The following ODAD2 variants were observed in gnomAD, a reference collection of about 807,000 sequenced individuals.
The protein encoded by ODAD2 is outer dynein arm-docking complex subunit 2.
A neutral mutation model predicts 106.8 loss-of-function variants in ODAD2; 89 were observed. The ratio of observed to expected loss-of-function variants is 0.83; its 90% CI spans 0.70 to 0.99. The LOEUF is 0.99. ODAD2 is among the 50% of genes least tolerant of loss of function. The pLI, the probability that ODAD2 is intolerant of heterozygous loss-of-function variation, is 0.00. For synonymous variants in ODAD2, 404 were observed against 436.2 expected, an observed-to-expected ratio of 0.93 and a Z score of 0.92; for missense variants, 1,168 against 1,238.5, an observed-to-expected ratio of 0.94 and a Z score of 0.85.
At chr10:27,978,294 A>T (rs1849320081) in intron 7 of ODAD2, among the ~76,000 whole-genome samples, 1 of 152,262 alleles carries the variant, frequency 6.6e-6, no homozygotes, top group East Asian at 1.9e-4. Flanking sequence ...AAAGGCCTCC[A>T]AAGAGGGGAA....
chr10:27,895,858 C>G (rs1044604217), intron 17 of ODAD2, among the ~76,000 whole-genome samples: 7 of 152,210 alleles, frequency 4.6e-5, no homozygotes, highest in African/African-American at 1.7e-4. Flanking sequence ...TATTCTACTC[C>G]TGAAGTACCC....
At position 27,833,089 on chromosome 10, in the gene ODAD2, C is replaced by A. The variant is rs773696573; in HGVS notation, c.3022-20464G>T. ...GTGCTTTTTGAAGTTTTTCATATAC[C>A]ACAAAATACATAATGAAGGGTAGTT... On this transcript the variant is annotated intron_variant, in intron 19 of 19. Transcript: ENST00000305242. 7.2e-5 allele frequency among the ~76,000 whole-genome samples: 11 copies of A among 152,032 alleles called. No individual in the cohort carries two copies. In the South Asian group the frequency reaches 8.3e-4, roughly 11 times the overall value.
chr10:27,902,695 G>A lies in ODAD2; in HGVS notation c.2610+4968C>T, dbSNP rs148097373. Among the ~76,000 whole-genome samples, 402 of 152,076 alleles carry A rather than the reference G, an allele frequency of 2.6e-3. 3 individuals carry two copies. Among genetic ancestry groups the A allele is most frequent in the African/African-American group, 9.2e-3 (380 of 41,516 alleles). ...CTTTACACAAATAAACTAGAAAATC[G>A]AGAAGAAATGGATAAATTCCTGGAC... On this transcript the variant is annotated intron_variant, in intron 17 of 19. Transcript: ENST00000305242.
intron 19 of ODAD2, among the ~76,000 whole-genome samples, chr10:27,853,908 C>T (rs1339373256): frequency 4.6e-5 from 7 of 152,108 alleles, no homozygotes; most frequent in African/African-American, 1.2e-4. Flanking sequence ...ACTTCACCAG[C>T]GTTAAAAACT....
chr10:27,905,340 C>T (rs1045454634), intron 17 of ODAD2, among the ~76,000 whole-genome samples: 1 of 152,028 alleles, frequency 6.6e-6, no homozygotes, highest in Non-Finnish European at 1.5e-5. Flanking sequence ...AGGAGAACTA[C>T]AAACCACTGC....
intron 16 of ODAD2, among the ~76,000 whole-genome samples, chr10:27,909,820 A>G (rs1843871489): frequency 8.0e-6 from 1 of 124,480 alleles, no homozygotes; most frequent in Non-Finnish European, 1.7e-5. Flanking sequence ...TTCATTTGAA[A>G]AAAAAAAAAA....
At chr10:27,880,273 T>C (rs917333751) in intron 17 of ODAD2, among the ~76,000 whole-genome samples, 8 of 152,226 alleles carry the variant, frequency 5.3e-5, no homozygotes, top group Non-Finnish European at 1.0e-4. Context: ...AATTTCACCT[T>C]GTGAAACTTT....
chr10:27,852,513 C>T (rs754562177), intron 19 of ODAD2, among the ~76,000 whole-genome samples: 2 of 151,814 alleles, frequency 1.3e-5, no homozygotes, highest in Non-Finnish European at 2.9e-5. Flanking sequence ...AAAGCAATCA[C>T]TAAATGACAA....
At chr10:27,924,614 G>GA (rs60226782) in intron 16 of ODAD2, among the ~76,000 whole-genome samples, 1,958 of 12,632 alleles carry the variant, frequency 0.16, 475 homozygotes, top group Non-Finnish European at 0.17. Flanking sequence ...TGATTAGGAG[G>GA]AAAAAAAAAA....
At position 27,934,894 on chromosome 10, in the gene ODAD2, A is replaced by C. The variant is rs1034381892; in HGVS notation, c.2495+116T>G. 1.2e-5 allele frequency: 15 copies of C among 1,270,014 alleles called. No homozygotes were observed. In the African/African-American group the frequency reaches 2.1e-4, roughly 18 times the overall value. 78.7% of individuals were successfully genotyped at this position (1,270,014 alleles called of 1,614,324 possible). A position where few individuals can be genotyped will look rare whatever the true frequency, so the allele number is the denominator to read the frequency against. ...AAACTTGTGATTATTTATATGACAC[A>C]CTGTATTTTTTCATCATTCGTGCAC... On this transcript the variant is annotated intron_variant, in intron 16 of 19. Coordinates refer to ENST00000305242, the MANE Select transcript of ODAD2 (RefSeq NM_018076.5).
intron 2 of ODAD2, among the ~76,000 whole-genome samples, chr10:27,994,667 C>T (rs918012742): frequency 6.6e-6 from 1 of 151,952 alleles, no homozygotes; most frequent in Non-Finnish European, 1.5e-5. Context: ...ATAACGGATG[C>T]CCTGTTAAAA....
At chr10:27,822,962 C>T (rs1020196782) in intron 19 of ODAD2, among the ~76,000 whole-genome samples, 2 of 152,116 alleles carry the variant, frequency 1.3e-5, no homozygotes, top group African/African-American at 4.8e-5. Context: ...ACAGGAGACT[C>T]GCACATTGGG....
intron 19 of ODAD2, among the ~76,000 whole-genome samples, chr10:27,837,907 C>CT (rs1391738866): frequency 9.2e-5 from 14 of 151,862 alleles, no homozygotes; most frequent in Admixed American, 9.2e-4. Context: ...TTTAATGTAA[C>CT]TTTTTTTTAG....
intron 19 of ODAD2, among the ~76,000 whole-genome samples, chr10:27,855,400 C>T (rs780882563): frequency 6.5e-4 from 99 of 152,056 alleles, no homozygotes; most frequent in Non-Finnish European, 1.2e-3. Flanking sequence ...ATATATTCAT[C>T]GATACCAATT....
chr10:27,992,936 G>C (rs748290355), intron 2 of ODAD2, among the ~76,000 whole-genome samples: 19 of 151,836 alleles, frequency 1.3e-4, no homozygotes, highest in Non-Finnish European at 2.4e-4. Flanking sequence ...AATTTTTTTT[G>C]AGATGGAGTT....
At position 27,940,634 on chromosome 10, in the gene ODAD2, G is replaced by A. The variant is rs1177855134; in HGVS notation, c.1915C>T (p.Arg639Trp). Reference protein sequence around the residue: ...RKAGGIPLLARLLKTSHENML... With the variant: ...RKAGGIPLLAWLLKTSHENML... ...TTTTCATGAGAAGTCTTCAGCAGCC[G>A]AGCCAACAGAGGAATGCCCCCAGCT... The change falls in exon 13 of 20, where the codon CGG (arginine) becomes TGG (tryptophan). Residue 639 changes from arginine (R) to tryptophan (W), a missense_variant. Around this residue, in one of 3 missense-constraint regions of ODAD2, gnomAD observed 701 missense variants for 712.3 expected, o/e 0.98. Transcript: ENST00000305242. 7.4e-6 allele frequency: 12 copies of A among 1,614,090 alleles called. No individual in the cohort carries two copies. The East Asian group carries it at 8.9e-5, about 12-fold the overall frequency.
chr10:27,847,585 G>A (rs1166757959), intron 19 of ODAD2, among the ~76,000 whole-genome samples: 1 of 152,042 alleles, frequency 6.6e-6, no homozygotes, highest in Non-Finnish European at 1.5e-5. Flanking sequence ...AATCAGGCAG[G>A]AGAAAGAAAT....
chr10:27,924,006 GA>G lies in ODAD2; in HGVS notation c.2495+11003del, dbSNP rs747675835. On this transcript the variant is annotated intron_variant, in intron 16 of 19. Coordinates refer to ENST00000305242, the MANE Select transcript of ODAD2 (RefSeq NM_018076.5). ...AGAAAGAAAGAAAGAAAGAAAGAAAGAAAGAAAGAAAGAAAGAAGGAAAGAG... is the reference window on the plus strand; with the variant it reads ...AGAAAGAAAGAAAGAAAGAAAGAAAGAAGAAAGAAAGAAAGAAGGAAAGAG... Among the ~76,000 whole-genome samples, 42 of 130,632 alleles carry G rather than the reference GA, an allele frequency of 3.2e-4. 2 individuals carry two copies. The highest frequency in any genetic ancestry group is 1.2e-3 in the African/African-American group (40 of 34,304). The allele number at this position is 130,632 out of a possible 152,430, so 85.7% of individuals were successfully genotyped here. A position where few individuals can be genotyped will look rare whatever the true frequency, so the allele number is the denominator to read the frequency against.
At chr10:27,946,248 A>G (rs1019724652) in intron 10 of ODAD2, among the ~76,000 whole-genome samples, 34 of 149,576 alleles carry the variant, frequency 2.3e-4, no homozygotes, top group African/African-American at 8.3e-4. Flanking sequence ...ATATTTCTAT[A>G]TATAAATAGA....
Sources: allele counts gnomAD v4.1 joint callset (sites outside exome capture counted in the v4.1 genomes callset), GRCh38; gene constraint gnomAD v4.1.1; regional missense constraint gnomAD v4.1.1; transcripts MANE v1.5; gene names NCBI Gene and HGNC (gene_info 2026-07-23, HGNC 2026-07-21).